SPRY3: variants seen among roughly 807,000 people sequenced by gnomAD.
SPRY3 encodes sprouty RTK signaling antagonist 3.
SPRY3 carries 15 observed loss-of-function variants against 20.2 expected under a neutral mutation model. The observed-to-expected ratio is 0.74, with a 90% confidence interval of 0.50 to 1.14. The LOEUF (loss-of-function observed/expected upper bound fraction) is 1.14, where lower values mean the gene tolerates loss of function less well. Among genes scored for constraint, SPRY3 ranks in the 50% most tolerant of loss-of-function variants. SPRY3 has a pLI of 0.00. For synonymous variants in SPRY3, 143 were observed against 136.5 expected (o/e 1.05, Z -0.33); for missense variants, 364 against 363.9 (o/e 1.00, Z 0.00).
At chrX:155,749,397 G>T (rs1237623801) in intron 2 of SPRY3, among the ~76,000 whole-genome samples, 1 of 151,804 alleles carries the variant, frequency 6.6e-6, no homozygotes, top group Admixed American at 6.6e-5. Context: ...GTGTGTGTAA[G>T]TGTGTCTGTG....
chrX:155,708,399 C>T (rs2090964979), intron 2 of SPRY3, among the ~76,000 whole-genome samples: 1 of 151,408 alleles, frequency 6.6e-6, no homozygotes, highest in Admixed American at 6.6e-5. Flanking sequence ...CAGTCATTCC[C>T]TTATACATGA....
At chrX:155,679,076 T>G (rs1230273708) in intron 2 of SPRY3, among the ~76,000 whole-genome samples, 2 of 110,779 alleles carry the variant, frequency 1.8e-5, no homozygotes, top group African/African-American at 6.6e-5. Context: ...AAGGATAGCA[T>G]TAGGAGAAAT....
At chrX:155,624,226 C>T (rs2067880101) in intron 1 of SPRY3, among the ~76,000 whole-genome samples, 2 of 111,788 alleles carry the variant, frequency 1.8e-5, no homozygotes, top group South Asian at 7.3e-4. Context: ...GCTACTTTAG[C>T]AATTCAATTA....
chrX:155,757,105 T>C (rs1569396730), intron 2 of SPRY3, among the ~76,000 whole-genome samples: 1 of 152,108 alleles, frequency 6.6e-6, no homozygotes, highest in Non-Finnish European at 1.5e-5. Context: ...CCCTACAATA[T>C]CTTCTCAGCT....
intron 2 of SPRY3, among the ~76,000 whole-genome samples, chrX:155,737,723 T>C (rs939316516): frequency 1.3e-5 from 2 of 152,072 alleles, no homozygotes; most frequent in Non-Finnish European, 2.9e-5. Flanking sequence ...GTGGCAAAAA[T>C]AAGACTGGAG....
rs907219411 is a variant in SPRY3, at chrX:155,768,090, C to CAT, written c.-152_-151dup. 1.2e-4 allele frequency: 18 copies of CAT among 152,188 alleles called. No homozygotes were observed. The highest frequency in any genetic ancestry group is 4.1e-4 in the African/African-American group (17 of 41,530). 9.4% of individuals were successfully genotyped at this position (152,188 alleles called of 1,614,324 possible). ...AAGAGATCCTTTGAGCCAGATGGGG[C>CAT]ATTAGTTCTTCTGCTTTTCTCAGCA... On this transcript the variant is annotated 5_prime_UTR_variant, in exon 3 of 4. An upstream open reading frame in the 5' UTR loses its in-frame stop. Transcript: ENST00000675360.
chrX:155,636,374 A>C (rs1858026696), intron 1 of SPRY3, among the ~76,000 whole-genome samples: 1 of 111,946 alleles, frequency 8.9e-6, no homozygotes, highest in Admixed American at 9.5e-5. Context: ...TTAAGCAGGA[A>C]ATAGGCAAGA....
chrX:155,635,044 C>T (rs1281609463), intron 1 of SPRY3, among the ~76,000 whole-genome samples: 1 of 109,426 alleles, frequency 9.1e-6, no homozygotes, highest in Non-Finnish European at 1.9e-5. Flanking sequence ...CCCAGCTCCC[C>T]ACCTCCCAAC....
intron 2 of SPRY3, among the ~76,000 whole-genome samples, chrX:155,708,094 C>T (rs1190836122): frequency 6.6e-6 from 1 of 150,984 alleles, no homozygotes; most frequent in Non-Finnish European, 1.5e-5. Flanking sequence ...ATGGCTGCTC[C>T]AGGGATTACA....
At chrX:155,703,526 C>T (rs1377202349) in intron 2 of SPRY3, among the ~76,000 whole-genome samples, 1 of 83,734 alleles carries the variant, frequency 1.2e-5, no homozygotes, top group Non-Finnish European at 2.3e-5. Context: ...ATTAGTCTTG[C>T]TAGCGGTCTA....
intron 2 of SPRY3, among the ~76,000 whole-genome samples, chrX:155,657,637 G>A (rs2067996316): frequency 9.0e-6 from 1 of 111,534 alleles, no homozygotes; most frequent in Non-Finnish European, 1.9e-5. Context: ...GTCTCCCTGG[G>A]GTTCCAGGCG....
chrX:155,625,516 C>T (rs181891102), intron 1 of SPRY3, among the ~76,000 whole-genome samples: 168 of 109,843 alleles, frequency 1.5e-3, no homozygotes, highest in African/African-American at 5.4e-3. Context: ...TAGATATTTC[C>T]TCTCCTTCCT....
chrX:155,673,510 A>G (rs1445051927), intron 2 of SPRY3, among the ~76,000 whole-genome samples: 1 of 111,684 alleles, frequency 9.0e-6, no homozygotes, highest in East Asian at 2.8e-4. Context: ...AGTTTGTCAG[A>G]AATGCTGCCA....
intron 1 of SPRY3, among the ~76,000 whole-genome samples, chrX:155,633,399 A>AG (rs1202440817): frequency 9.4e-6 from 1 of 106,676 alleles, no homozygotes; most frequent in Non-Finnish European, 1.9e-5. Flanking sequence ...AAAAAAAAAA[A>AG]AAAAGTTCAT....
Position 155,674,815 on chromosome X carries a change from C to T in SPRY3, c.-282+17790C>T, listed in dbSNP as rs149602635. ...ACATTTTTAACAAATATTGGGTCCA[C>T]TTCAGCTCTCTCCATCTATGTCCAA... On this transcript the variant is annotated intron_variant, in intron 2 of 3. Transcript: ENST00000675360. Among the ~76,000 whole-genome samples the T allele has an allele frequency of 6.9e-3, 766 of 111,242 alleles. 6 individuals are homozygous for T. Among genetic ancestry groups the T allele is most frequent in the African/African-American group, 0.024 (727 of 30,634 alleles).
At chrX:155,617,554 A>G (rs782003249) in intron 1 of SPRY3, among the ~76,000 whole-genome samples, 3 of 111,770 alleles carry the variant, frequency 2.7e-5, no homozygotes, top group Admixed American at 9.5e-5. Flanking sequence ...CTGAGCTTGC[A>G]GTCTCATTGA....
At chrX:155,767,924 G>C (rs866691211) in intron 2 of SPRY3, 38 bp from the exon 2 acceptor site, 4 of 152,784 alleles carry the variant, frequency 2.6e-5, no homozygotes, top group South Asian at 2.1e-4. Context: ...GTTTTGTTTT[G>C]TTTTGTTTTG....
intron 2 of SPRY3, among the ~76,000 whole-genome samples, chrX:155,717,374 G>A (rs1027523504): frequency 2.1e-4 from 32 of 151,840 alleles, no homozygotes; most frequent in African/African-American, 7.5e-4. Context: ...TAAGCTGTAG[G>A]TCATCCCTCT....
At chrX:155,638,328 A>AAAGTTT (rs2067930654) in intron 1 of SPRY3, among the ~76,000 whole-genome samples, 3 of 1,712 alleles carry the variant, frequency 1.8e-3, no homozygotes, top group Admixed American at 0.011. Flanking sequence ...ATATATATAT[A>AAAGTTT]TATATATATA....
Sources: allele counts gnomAD v4.1 joint callset (sites outside exome capture counted in the v4.1 genomes callset), GRCh38; gene constraint gnomAD v4.1.1; transcripts MANE v1.5; gene names NCBI Gene and HGNC (gene_info 2026-07-23, HGNC 2026-07-21).